UBE2R2: variants seen among roughly 807,000 people sequenced by gnomAD.
The protein encoded by UBE2R2 is ubiquitin conjugating enzyme E2 R2.
UBE2R2 carries 1 observed loss-of-function variant against 27.8 expected under a neutral mutation model. That is an observed-to-expected ratio of 0.04 (90% CI 0.01 to 0.17). UBE2R2 has a LOEUF of 0.17. Ranked by LOEUF, UBE2R2 falls within the 10% of genes least tolerant of loss-of-function variation. The pLI is 1.00. For missense variants in UBE2R2, 100 were observed against 291.0 expected (o/e 0.34, Z 4.78); for synonymous variants, 106 against 113.3 (o/e 0.94, Z 0.41).
intron 3 of UBE2R2, among the ~76,000 whole-genome samples, chr9:33,904,620 A>G (rs1462967912): frequency 6.6e-6 from 1 of 152,220 alleles, no homozygotes; most frequent in Non-Finnish European, 1.5e-5. Context: ...GTCAGTCTGT[A>G]TTATCAGATC....
intron 1 of UBE2R2, among the ~76,000 whole-genome samples, chr9:33,824,865 G>A (rs1037706752): frequency 2.6e-5 from 4 of 151,702 alleles, no homozygotes; most frequent in Non-Finnish European, 4.4e-5. Flanking sequence ...TCAGCCAAGT[G>A]GTACTTATAA....
At chr9:33,902,973 C>A (rs1207923985) in intron 3 of UBE2R2, among the ~76,000 whole-genome samples, 1 of 152,106 alleles carries the variant, frequency 6.6e-6, no homozygotes, top group Non-Finnish European at 1.5e-5. Context: ...GTGGCACCTG[C>A]CTGTAATCCC....
At chr9:33,892,118 A>G (rs1424227247) in intron 2 of UBE2R2, among the ~76,000 whole-genome samples, 1 of 152,122 alleles carries the variant, frequency 6.6e-6, no homozygotes, top group Non-Finnish European at 1.5e-5. Flanking sequence ...ATTGTGCTGC[A>G]CAATCTATTT....
Position 33,886,863 on chromosome 9 carries a change from C to A in UBE2R2, c.178-18C>A. The A allele has an allele frequency of 1.3e-6, 2 of 1,563,896 alleles. No individual in the cohort carries two copies. Among genetic ancestry groups the A allele is most frequent in the Admixed American group, 2.1e-5 (1 of 46,802 alleles). ...GTTATAGTCTCATTTATTAGCATTT[C>A]ATTTTTTTTCTTTTCAGGCGCATAT... is the stretch of plus-strand genomic sequence containing the variant. On this transcript the variant is annotated intron_variant, in intron 1 of 4. Coordinates refer to ENST00000263228, the MANE Select transcript of UBE2R2 (RefSeq NM_017811.4).
At chr9:33,837,818 G>T (rs1449506698) in intron 1 of UBE2R2, among the ~76,000 whole-genome samples, 1 of 151,874 alleles carries the variant, frequency 6.6e-6, no homozygotes, top group Admixed American at 6.6e-5. Context: ...AAGATTGCAG[G>T]TGTGATCCAC....
intron 4 of UBE2R2, among the ~76,000 whole-genome samples, chr9:33,915,207 G>T (rs1822614313): frequency 6.6e-6 from 1 of 151,870 alleles, no homozygotes; most frequent in Admixed American, 6.6e-5. Flanking sequence ...GGGGATGAGG[G>T]GACAGATATA....
chr9:33,915,461 T>C (rs1220934073), intron 4 of UBE2R2, among the ~76,000 whole-genome samples: 1 of 152,062 alleles, frequency 6.6e-6, no homozygotes, highest in African/African-American at 2.4e-5. Flanking sequence ...AGAGATGATG[T>C]CCCAGGGAGA....
chr9:33,856,914 T>G (rs964361518), intron 1 of UBE2R2, among the ~76,000 whole-genome samples: 4 of 95,024 alleles, frequency 4.2e-5, no homozygotes, highest in Non-Finnish European at 8.5e-5. Context: ...TTTTTTTTTT[T>G]GAGACAGAGT....
intron 2 of UBE2R2, among the ~76,000 whole-genome samples, chr9:33,890,438 G>A (rs1455329720): frequency 3.3e-5 from 5 of 151,950 alleles, no homozygotes; most frequent in African/African-American, 1.2e-4. Flanking sequence ...GTGGTGGCAC[G>A]CGCCTGTAAT....
At chr9:33,911,701 ATTTCCTCTGC>A (rs1313440200) in intron 3 of UBE2R2, among the ~76,000 whole-genome samples, 1 of 152,058 alleles carries the variant, frequency 6.6e-6, no homozygotes, top group African/African-American at 2.4e-5. Flanking sequence ...AGAATCACAG[ATTTCCTCTGC>A]TTTGCCTGCC....
At chr9:33,866,723 C>G (rs950114191) in intron 1 of UBE2R2, among the ~76,000 whole-genome samples, 1 of 152,172 alleles carries the variant, frequency 6.6e-6, no homozygotes, top group African/African-American at 2.4e-5. Flanking sequence ...CTTCCCATCT[C>G]CCAGGATAAT....
intron 1 of UBE2R2, among the ~76,000 whole-genome samples, chr9:33,872,957 T>C (rs544137191): frequency 7.2e-5 from 11 of 152,006 alleles, no homozygotes; most frequent in Non-Finnish European, 1.3e-4. Context: ...GATGGATCAC[T>C]TGGGGTCAGG....
At chr9:33,889,846 G>C (rs1486263838) in intron 2 of UBE2R2, among the ~76,000 whole-genome samples, 1 of 151,936 alleles carries the variant, frequency 6.6e-6, no homozygotes, top group African/African-American at 2.4e-5. Flanking sequence ...ACCACACCCA[G>C]CTAAGTTTTG....
chr9:33,830,926 T>C (rs986698014), intron 1 of UBE2R2: 2 of 152,044 alleles, frequency 1.3e-5, no homozygotes, highest in Admixed American at 1.3e-4. Flanking sequence ...TTCTACCTTG[T>C]TGAAATAACT....
intron 1 of UBE2R2, among the ~76,000 whole-genome samples, chr9:33,862,623 T>G (rs1821265697): frequency 6.6e-6 from 1 of 152,214 alleles, no homozygotes; most frequent in Admixed American, 6.5e-5. Flanking sequence ...GCTAAGCTTC[T>G]CAGAATCCTC....
intron 3 of UBE2R2, among the ~76,000 whole-genome samples, 173 bp downstream of exon 3, chr9:33,900,444 G>GC (rs1301226793): frequency 6.6e-6 from 1 of 152,152 alleles, no homozygotes; most frequent in Non-Finnish European, 1.5e-5. Flanking sequence ...TTGAAGAGCT[G>GC]TATTTACTAA....
At chr9:33,815,403 G>A (rs1447767701), upstream of UBE2R2, among the ~76,000 whole-genome samples, 2 of 152,218 alleles carry the variant, frequency 1.3e-5, no homozygotes, top group African/African-American at 4.8e-5. Flanking sequence ...GGAACTGGGC[G>A]CCAGGTGTAG....
At chr9:33,816,451 C>T (rs570699077), upstream of UBE2R2, among the ~76,000 whole-genome samples, 10 of 152,328 alleles carry the variant, frequency 6.6e-5, no homozygotes, top group African/African-American at 2.4e-4. Context: ...GCACTTGCCC[C>T]AAATCACAAT....
At chr9:33,828,173 G>A (rs951367929) in intron 1 of UBE2R2, among the ~76,000 whole-genome samples, 6 of 150,216 alleles carry the variant, frequency 4.0e-5, no homozygotes, top group African/African-American at 4.9e-5. Context: ...GTGGTAGCAC[G>A]CGCCTATAAT....
Sources: gnomAD v4.1 joint callset for allele counts (sites outside exome capture counted in the v4.1 genomes callset) on GRCh38, gnomAD v4.1.1 for gene constraint, MANE v1.5 for transcripts, NCBI Gene and HGNC (gene_info 2026-07-23, HGNC 2026-07-21) for gene names.